The following TULP4 variants were observed in gnomAD, a reference collection of about 807,000 sequenced individuals.
The protein encoded by TULP4 is TUB like protein 4.
Under a neutral mutation model 129.0 loss-of-function variants are expected in TULP4, and 16 were observed. The observed-to-expected ratio is 0.12, with a 90% CI of 0.08 to 0.19. TULP4 has a LOEUF of 0.19. Ranked by LOEUF, TULP4 falls within the 10% of genes least tolerant of loss-of-function variation. The pLI, the probability that TULP4 is intolerant of heterozygous loss-of-function variation, is 1.00. For missense variants in TULP4, 1,842 were observed against 2,059.1 expected (o/e 0.89, Z 2.04); for synonymous variants, 998 against 854.0 (o/e 1.17, Z -2.94).
intron 1 of TULP4, chr6:158,242,176 G>A: frequency 8.3e-7 from 1 of 1,207,706 alleles, no homozygotes. Flanking sequence ...GTCTTCCTCA[G>A]TCTCATCAGT....
At chr6:158,492,395 T>A (rs2128256703) in intron 9 of TULP4, among the ~76,000 whole-genome samples, 1 of 152,350 alleles carries the variant, frequency 6.6e-6, no homozygotes, top group African/African-American at 2.4e-5. Flanking sequence ...TGCTCATTTT[T>A]AAATATGCAG....
At chr6:158,459,885 G>C (rs1356022059) in intron 5 of TULP4, among the ~76,000 whole-genome samples, 1 of 152,152 alleles carries the variant, frequency 6.6e-6, no homozygotes, top group Non-Finnish European at 1.5e-5. Flanking sequence ...TCACAAGCAG[G>C]CTTTTCCCTG....
chr6:158,316,085 G>T (rs9456287), intron 1 of TULP4, among the ~76,000 whole-genome samples: 1 of 152,130 alleles, frequency 6.6e-6, no homozygotes, highest in Non-Finnish European at 1.5e-5. Context: ...TTCACTCAAC[G>T]TGATGTCTGT....
At chr6:158,426,709 T>C (rs1778502547) in intron 2 of TULP4, among the ~76,000 whole-genome samples, 1 of 152,218 alleles carries the variant, frequency 6.6e-6, no homozygotes, top group Non-Finnish European at 1.5e-5. Flanking sequence ...TGGGCTCTTT[T>C]TTGGTTCCAT....
At chr6:158,331,714 C>CGTATATAT (rs1562523057) in intron 1 of TULP4, among the ~76,000 whole-genome samples, 5 of 25,344 alleles carry the variant, frequency 2.0e-4, no homozygotes, top group East Asian at 2.5e-3. Flanking sequence ...CACACACACA[C>CGTATATAT]ACACACACAC....
chr6:158,299,713 A>G (rs1229349206), intron 1 of TULP4, among the ~76,000 whole-genome samples: 1 of 152,202 alleles, frequency 6.6e-6, no homozygotes, highest in Non-Finnish European at 1.5e-5. Flanking sequence ...GCCACACACG[A>G]TATCGTTAGC....
chr6:158,383,604 T>TGA (rs1244103604), intron 1 of TULP4, among the ~76,000 whole-genome samples: 1 of 152,134 alleles, frequency 6.6e-6, no homozygotes, highest in Admixed American at 6.5e-5. Context: ...CCACCCCAGG[T>TGA]GAGTCCACAG....
chr6:158,490,551 T>C (rs1004383592), intron 9 of TULP4, among the ~76,000 whole-genome samples: 1 of 152,210 alleles, frequency 6.6e-6, no homozygotes, highest in African/African-American at 2.4e-5. Flanking sequence ...ATAAGTTACA[T>C]ACAGATACAC....
At chr6:158,404,138 T>G (rs1316019378) in intron 1 of TULP4, among the ~76,000 whole-genome samples, 5 of 152,220 alleles carry the variant, frequency 3.3e-5, no homozygotes, top group Admixed American at 6.5e-5. Flanking sequence ...TATGGTGAGT[T>G]CATTGTACTT....
chr6:158,305,993 T>C (rs982607517), intron 1 of TULP4, among the ~76,000 whole-genome samples: 4 of 152,198 alleles, frequency 2.6e-5, no homozygotes, highest in Non-Finnish European at 5.9e-5. Flanking sequence ...TTGTTAATGG[T>C]ATTGATAAAA....
intron 6 of TULP4, among the ~76,000 whole-genome samples, chr6:158,469,912 T>C (rs1779639084): frequency 6.6e-6 from 1 of 152,010 alleles, no homozygotes; most frequent in Non-Finnish European, 1.5e-5. Context: ...GGTGGGCTGC[T>C]TCCAGAATGG....
chr6:158,478,515 G>A (rs11752649), intron 6 of TULP4, among the ~76,000 whole-genome samples: 1,784 of 152,294 alleles, frequency 0.012, 17 homozygotes, highest in Non-Finnish European at 0.02. Flanking sequence ...TGTGGGGCCT[G>A]CCCCCTGTGT....
intron 2 of TULP4, among the ~76,000 whole-genome samples, chr6:158,425,202 G>C (rs1241774987): frequency 8.2e-6 from 1 of 121,998 alleles, no homozygotes; most frequent in East Asian, 2.6e-4. Context: ...ACACCTACTA[G>C]AATAGTTAAA....
rs1554272522 is a variant in TULP4 at position 158,236,795 on chromosome 6, C to CTTTTCTTTTTTTTTTTTTTTTTTT, written n.68+4496_68+4497insCTTTTTTTTTTTTTTTTTTTTTTT. Among the ~76,000 whole-genome samples, 15 of 63,290 alleles carry CTTTTCTTTTTTTTTTTTTTTTTTT rather than the reference C, an allele frequency of 2.4e-4. 1 individual carries two copies. The highest frequency in any genetic ancestry group is 7.9e-4 in the African/African-American group (11 of 13,896). 41.5% of individuals were successfully genotyped at this position (63,290 alleles called of 152,430 possible). A position where few individuals can be genotyped will look rare whatever the true frequency, so the allele number is the denominator to read the frequency against. ...AGATGGGTAAATGCCCAATTCTTTT[C>CTTTTCTTTTTTTTTTTTTTTTTTT]TTTTTTTTTTTTTTTTTTTTTTTTT... On this transcript the variant is annotated intron_variant and non_coding_transcript_variant, in intron 1 of 1. Coordinates refer to the TULP4 transcript ENST00000620026.
rs1207284707 is a variant in TULP4, at chr6:158,502,483, T to C, written c.2820T>C (p.Ser940=). 5.6e-6 allele frequency: 9 copies of C among 1,612,734 alleles called. No homozygotes were observed. The highest frequency in any genetic ancestry group is 7.6e-6 in the Non-Finnish European group (9 of 1,179,768). ...TEKKVPQPCS[S]ATLNRLTVPR... ...AGAAGGTCCCTCAGCCCTGCAGCAG[T>C]GCCACCCTGAACCGCCTGACCGTCC... The change falls in exon 13 of 14, where the codon AGT becomes AGC. Residue 940 remains serine, a synonymous_variant. Transcript: ENST00000367097.
At chr6:158,355,127 A>C (rs1375816654) in intron 1 of TULP4, among the ~76,000 whole-genome samples, 1 of 151,622 alleles carries the variant, frequency 6.6e-6, no homozygotes, top group Non-Finnish European at 1.5e-5. Context: ...ACTGGAGTAC[A>C]GTGGCACAGT....
intron 6 of TULP4, among the ~76,000 whole-genome samples, chr6:158,467,311 C>T (rs1779576519): frequency 6.8e-6 from 1 of 148,126 alleles, no homozygotes; most frequent in Non-Finnish European, 1.5e-5. Context: ...CAGAGTTTCG[C>T]TCTTGTTGCC....
intron 1 of TULP4, among the ~76,000 whole-genome samples, chr6:158,349,849 CCT>C (rs1300974681): frequency 1.4e-5 from 2 of 139,516 alleles, no homozygotes; most frequent in Admixed American, 7.1e-5. Context: ...CAGAGGCGCT[CCT>C]CACCTCCCAG....
chr6:158,485,755 AC>A (rs1355351845), intron 8 of TULP4, among the ~76,000 whole-genome samples: 1 of 152,162 alleles, frequency 6.6e-6, no homozygotes. Flanking sequence ...AGAAGACTCC[AC>A]TCAAGCCTCA....
Sources: allele counts gnomAD v4.1 joint callset (sites outside exome capture counted in the v4.1 genomes callset), GRCh38; gene constraint gnomAD v4.1.1; transcripts MANE v1.5; gene names NCBI Gene and HGNC (gene_info 2026-07-23, HGNC 2026-07-21).